The following QTMAN variants were observed in gnomAD, a reference collection of about 807,000 sequenced individuals.
The protein encoded by QTMAN is queuosine-tRNA mannosyltransferase, also known as tRNA-queuosine alpha-mannosyltransferase.
At chr2:144,036,935 G>T in the QTMAN span, among the ~76,000 whole-genome samples, 1 of 152,268 alleles carries the variant, frequency 6.6e-6, no homozygotes, top group Admixed American at 6.5e-5. Context: ...AGATTATTCA[G>T]CCATAAAAAG....
chr2:144,316,094 T>A, the QTMAN span, among the ~76,000 whole-genome samples: 1 of 152,134 alleles, frequency 6.6e-6, no homozygotes, highest in Non-Finnish European at 1.5e-5. Context: ...ACTAAAAAAA[T>A]TAGCTGGGTA....
At chr2:144,301,423 T>C in the QTMAN span, among the ~76,000 whole-genome samples, 3 of 152,234 alleles carry the variant, frequency 2.0e-5, no homozygotes, top group East Asian at 5.8e-4. Context: ...GAGTTTCGCC[T>C]AGTTGGCCTG....
At chr2:143,974,408 T>G in the QTMAN span, among the ~76,000 whole-genome samples, 1 of 152,236 alleles carries the variant, frequency 6.6e-6, no homozygotes, top group African/African-American at 2.4e-5. Context: ...ATAGCAGCAT[T>G]GTTTATAATG....
At chr2:144,324,327 T>C in the QTMAN span, among the ~76,000 whole-genome samples, 4 of 152,274 alleles carry the variant, frequency 2.6e-5, no homozygotes, top group East Asian at 3.9e-4. Flanking sequence ...CTTTAAATAG[T>C]ACAAAACCTA....
the QTMAN span, among the ~76,000 whole-genome samples, chr2:144,186,213 A>T: frequency 6.6e-6 from 1 of 152,230 alleles, no homozygotes; most frequent in East Asian, 1.9e-4. Flanking sequence ...ACCTTAATCC[A>T]TCTATAGGAA....
At chr2:144,006,073 A>C in the QTMAN span, 5 of 152,154 alleles carry the variant, frequency 3.3e-5, no homozygotes, top group Non-Finnish European at 7.4e-5. Context: ...CACATTAAAT[A>C]ATATTGAACT....
At chr2:144,278,174 AGT>A in the QTMAN span, among the ~76,000 whole-genome samples, 1 of 152,178 alleles carries the variant, frequency 6.6e-6, no homozygotes, top group Admixed American at 6.5e-5. Flanking sequence ...ACAGCTGAAA[AGT>A]GTGGTTCTAG....
the QTMAN span, among the ~76,000 whole-genome samples, chr2:144,168,245 A>C: frequency 0.15 from 22,919 of 152,120 alleles, 4,418 homozygotes; most frequent in African/African-American, 0.45. Flanking sequence ...GAGTTACTTT[A>C]CGAGAAATGT....
chr2:144,188,208 T>TA, the QTMAN span, among the ~76,000 whole-genome samples: 3 of 151,830 alleles, frequency 2.0e-5, no homozygotes, highest in Non-Finnish European at 4.4e-5. Flanking sequence ...GCCAGGCAAA[T>TA]AAAAAAATTA....
At chr2:144,042,763 CAAAA>C in the QTMAN span, among the ~76,000 whole-genome samples, 1 of 64,462 alleles carries the variant, frequency 1.6e-5, no homozygotes, top group Non-Finnish European at 3.5e-5. Flanking sequence ...GACTCTGTCT[CAAAA>C]AAAAAAAAAA....
chr2:144,204,995 G>T, the QTMAN span, among the ~76,000 whole-genome samples: 3 of 126,124 alleles, frequency 2.4e-5, no homozygotes, highest in Non-Finnish European at 3.3e-5. Flanking sequence ...GCCTGTTGTG[G>T]GGTGGGGGGA....
At chr2:144,248,475 TA>T in the QTMAN span, among the ~76,000 whole-genome samples, 4 of 152,230 alleles carry the variant, frequency 2.6e-5, no homozygotes, top group Non-Finnish European at 5.9e-5. Flanking sequence ...TGGCGCTATT[TA>T]AATAGCGTCA....
At chr2:144,309,680 G>C in the QTMAN span, among the ~76,000 whole-genome samples, 2 of 152,124 alleles carry the variant, frequency 1.3e-5, no homozygotes, top group African/African-American at 4.8e-5. Context: ...TGTAGTAGTA[G>C]TTACATCAAT....
At chr2:144,324,836 A>T in the QTMAN span, among the ~76,000 whole-genome samples, 23 of 152,036 alleles carry the variant, frequency 1.5e-4, no homozygotes, top group Admixed American at 1.3e-3. Flanking sequence ...TGTGGCTGAG[A>T]CATGCTTGCT....
the QTMAN span, among the ~76,000 whole-genome samples, chr2:144,130,920 T>C: frequency 9.2e-5 from 14 of 152,068 alleles, no homozygotes; most frequent in African/African-American, 3.1e-4. Flanking sequence ...AATTATGTTA[T>C]TGAACTCTGA....
chr2:144,105,234 A>G, the QTMAN span, among the ~76,000 whole-genome samples: 2 of 152,248 alleles, frequency 1.3e-5, no homozygotes, highest in African/African-American at 4.8e-5. Context: ...CCTCGCCAGC[A>G]ACAGAGCAAA....
chr2:144,089,728 A>G, the QTMAN span, among the ~76,000 whole-genome samples: 1 of 152,014 alleles, frequency 6.6e-6, no homozygotes, highest in African/African-American at 2.4e-5. Context: ...AAGTTTGATC[A>G]CATGGAGGTG....
the QTMAN span, among the ~76,000 whole-genome samples, chr2:144,218,915 T>TAAAAAAAAAAAAAAAAAAA: frequency 1.8e-5 from 1 of 54,632 alleles, no homozygotes; most frequent in Non-Finnish European, 4.1e-5. Flanking sequence ...GGAAAGTATC[T>TAAAAAAAAAAAAAAAAAAA]AAAAAAAAAA....
At chr2:144,248,801 T>C in the QTMAN span, among the ~76,000 whole-genome samples, 22 of 152,180 alleles carry the variant, frequency 1.4e-4, 1 homozygote, top group Admixed American at 1.3e-3. Context: ...ATAATAGTCA[T>C]ATAAAATATA....
Sources: allele counts gnomAD v4.1 joint callset (sites outside exome capture counted in the v4.1 genomes callset), GRCh38; gene constraint gnomAD v4.1.1; transcripts MANE v1.5; gene names NCBI Gene and HGNC (gene_info 2026-07-23, HGNC 2026-07-21).